Variants in GALNT17 observed in about 807,000 individuals in gnomAD.
GALNT17 encodes UDP-GalNAc:polypeptide N-acetylgalactosaminyltransferase-like 3.
Under a neutral mutation model 63.7 loss-of-function variants are expected in GALNT17, and 29 were observed. The ratio of observed to expected loss-of-function variants is 0.46; its 90% CI spans 0.34 to 0.62. The LOEUF is 0.62. GALNT17 is among the 20% of genes least tolerant of loss of function. The pLI, the probability that GALNT17 is intolerant of heterozygous loss-of-function variation, is 0.01. For missense variants in GALNT17, 603 were observed against 799.6 expected (o/e 0.75, Z 2.97); for synonymous variants, 305 against 318.3 (o/e 0.96, Z 0.45).
chr7:71,494,407 G>A (rs750265529), intron 5 of GALNT17, among the ~76,000 whole-genome samples: 4 of 152,094 alleles, frequency 2.6e-5, no homozygotes, highest in Non-Finnish European at 5.9e-5. Context: ...GTGCAGTGGT[G>A]TGATCATAGC....
At chr7:71,522,942 A>G (rs529386382) in intron 5 of GALNT17, among the ~76,000 whole-genome samples, 2 of 152,298 alleles carry the variant, frequency 1.3e-5, no homozygotes, top group South Asian at 4.1e-4. Context: ...GCAGGAGCTC[A>G]TGGCTGCCAT....
At chr7:71,211,971 A>AT (rs774118745) in intron 1 of GALNT17, among the ~76,000 whole-genome samples, 3 of 152,188 alleles carry the variant, frequency 2.0e-5, no homozygotes, top group Non-Finnish European at 4.4e-5. Context: ...GAAAAAACCC[A>AT]TTTTCTGGGG....
chr7:71,687,750 A>G (rs1409510846), intron 9 of GALNT17, among the ~76,000 whole-genome samples: 1 of 152,154 alleles, frequency 6.6e-6, no homozygotes, highest in African/African-American at 2.4e-5. Flanking sequence ...AATTAACTAT[A>G]TATTTCATGA....
At chr7:71,214,579 C>CTT (rs11442081) in intron 1 of GALNT17, among the ~76,000 whole-genome samples, 50,751 of 137,898 alleles carry the variant, frequency 0.37, 9,639 homozygotes, top group South Asian at 0.53. Flanking sequence ...CTTGATTTGG[C>CTT]TTTTTTTTTT....
chr7:71,286,750 TG>T (rs1274750278), intron 1 of GALNT17, among the ~76,000 whole-genome samples: 1 of 66,738 alleles, frequency 1.5e-5, no homozygotes, highest in African/African-American at 8.0e-5. Flanking sequence ...GCCTTGTTTT[TG>T]TTTTTTTTTT....
At chr7:71,283,195 G>A (rs1480857801) in intron 1 of GALNT17, among the ~76,000 whole-genome samples, 1 of 151,772 alleles carries the variant, frequency 6.6e-6, no homozygotes, top group Non-Finnish European at 1.5e-5. Context: ...CACCATGCCT[G>A]GCTAATTAAA....
At chr7:71,148,094 A>T (rs1449775435) in intron 1 of GALNT17, among the ~76,000 whole-genome samples, 2 of 152,218 alleles carry the variant, frequency 1.3e-5, no homozygotes, top group African/African-American at 2.4e-5. Context: ...TGTCATGGCC[A>T]GCCCAGTAGT....
At chr7:71,346,723 T>C (rs569098437) in intron 2 of GALNT17, among the ~76,000 whole-genome samples, 1 of 129,836 alleles carries the variant, frequency 7.7e-6, no homozygotes, top group Admixed American at 9.5e-5. Context: ...AAGTGGACAG[T>C]TTATCTAGGG....
chr7:71,509,451 C>T (rs1295737055), intron 5 of GALNT17, among the ~76,000 whole-genome samples: 2 of 152,212 alleles, frequency 1.3e-5, no homozygotes, highest in Admixed American at 1.3e-4. Context: ...AATACTTGTG[C>T]TCAGCCCCAT....
At position 71,479,205 on chromosome 7, in the gene GALNT17, A is replaced by AT. The variant is rs200716246; in HGVS notation, c.962+58101dup. On this transcript the variant is annotated intron_variant, in intron 5 of 10. Transcript: ENST00000333538. Reference sequence around the variant, plus strand: ...CAGTGGATTCAGAATCAGTAGCTTTATAAGAAGGGCTTTGCTCAGTTCATG... The same window carrying AT: ...CAGTGGATTCAGAATCAGTAGCTTTATTAAGAAGGGCTTTGCTCAGTTCATG... Among the ~76,000 whole-genome samples the AT allele has an allele frequency of 1.3e-3, 196 of 152,268 alleles. 2 individuals are homozygous for AT. In the East Asian group the frequency reaches 0.014, roughly 11 times the overall value.
At chr7:71,487,263 C>G (rs751494810) in intron 5 of GALNT17, among the ~76,000 whole-genome samples, 5 of 152,180 alleles carry the variant, frequency 3.3e-5, no homozygotes, top group Non-Finnish European at 7.3e-5. Flanking sequence ...TGATGTTTCT[C>G]CTCCTTTGTT....
At chr7:71,450,949 A>G (rs1245526282) in intron 5 of GALNT17, among the ~76,000 whole-genome samples, 1 of 143,816 alleles carries the variant, frequency 7.0e-6, no homozygotes, top group Admixed American at 7.0e-5. Flanking sequence ...TTTTTATTAT[A>G]CTCTAAGTTC....
At chr7:71,520,701 A>G (rs185273314) in intron 5 of GALNT17, among the ~76,000 whole-genome samples, 33 of 152,220 alleles carry the variant, frequency 2.2e-4, no homozygotes, top group Non-Finnish European at 4.1e-4. Context: ...AATCCCGGCA[A>G]ACTCTTTATT....
intron 5 of GALNT17, among the ~76,000 whole-genome samples, chr7:71,544,578 A>G (rs1788950688): frequency 6.6e-6 from 1 of 152,186 alleles, no homozygotes; most frequent in South Asian, 2.1e-4. Context: ...TGCAGACTCA[A>G]TCAACCTAAG....
chr7:71,142,133 G>A (rs1355358610), intron 1 of GALNT17, among the ~76,000 whole-genome samples: 1 of 152,014 alleles, frequency 6.6e-6, no homozygotes, highest in Non-Finnish European at 1.5e-5. Context: ...GCCTCCCAGA[G>A]TGCTGGGATT....
intron 1 of GALNT17, among the ~76,000 whole-genome samples, chr7:71,178,089 T>G (rs1195991559): frequency 6.6e-6 from 1 of 152,212 alleles, no homozygotes; most frequent in African/African-American, 2.4e-5. Flanking sequence ...GAATTCCTTG[T>G]AGTGTGGGTC....
chr7:71,538,860 G>A (rs2116799693), intron 5 of GALNT17, among the ~76,000 whole-genome samples: 1 of 152,060 alleles, frequency 6.6e-6, no homozygotes, highest in East Asian at 1.9e-4. Context: ...GAAGGAGGGA[G>A]GGATGGTGGG....
intron 6 of GALNT17, among the ~76,000 whole-genome samples, chr7:71,595,660 GACAC>G (rs61389262): frequency 0.47 from 67,309 of 142,470 alleles, 16,118 homozygotes; most frequent in Middle Eastern, 0.58. Flanking sequence ...GAGAGACTGA[GACAC>G]ACACACACAC....
chr7:71,339,957 C>T (rs1382813581), intron 2 of GALNT17, among the ~76,000 whole-genome samples: 1 of 152,100 alleles, frequency 6.6e-6, no homozygotes, highest in Non-Finnish European at 1.5e-5. Flanking sequence ...GTGATGATCA[C>T]AGGGAAGAGA....
Sources: allele counts gnomAD v4.1 joint callset (sites outside exome capture counted in the v4.1 genomes callset), GRCh38; gene constraint gnomAD v4.1.1; transcripts MANE v1.5; gene names NCBI Gene and HGNC (gene_info 2026-07-23, HGNC 2026-07-21).